Variants in CROT observed in about 807,000 individuals in gnomAD.
The protein encoded by CROT is peroxisomal carnitine O-octanoyltransferase.
A neutral mutation model predicts 89.2 loss-of-function variants in CROT; 84 were observed. The ratio of observed to expected loss-of-function variants is 0.94; its 90% CI spans 0.79 to 1.13. The LOEUF (loss-of-function observed/expected upper bound fraction) is 1.13. Among genes scored for constraint, CROT ranks in the 50% most tolerant of loss-of-function variants. The pLI is 0.00. For missense variants in CROT, 711 were observed against 727.8 expected, an observed-to-expected ratio of 0.98 and a Z score of 0.27; for synonymous variants, 212 against 239.5, an observed-to-expected ratio of 0.89 and a Z score of 1.06.
chr7:87,377,274 A>G lies in CROT; in HGVS notation c.877-75A>G, dbSNP rs1010235616. The G allele has an allele frequency of 3.5e-5, 29 of 837,296 alleles. 1 individual carries two copies. The South Asian group carries it at 3.8e-4, about 11-fold the overall frequency. The allele number at this position is 837,296 out of a possible 1,614,324, so 51.9% of individuals were successfully genotyped here. On this transcript the variant is annotated intron_variant, in intron 9 of 17. Coordinates refer to ENST00000331536, the MANE Select transcript of CROT (RefSeq NM_021151.4). Reference sequence around the variant, plus strand: ...ACGTGAAGAGGAATGGTGAGATGATATATGTGTTTAAGATGTAAATTCTTA... The same window carrying G: ...ACGTGAAGAGGAATGGTGAGATGATGTATGTGTTTAAGATGTAAATTCTTA...
intron 2 of CROT, 44 bp from the exon 3 acceptor site, chr7:87,349,004 A>G (rs940565611): frequency 2.0e-5 from 16 of 810,048 alleles, no homozygotes; most frequent in South Asian, 1.8e-4. Flanking sequence ...ACGTAACACT[A>G]TCTATGAGAT....
intron 17 of CROT, among the ~76,000 whole-genome samples, chr7:87,393,604 GA>G (rs1331379584): frequency 1.3e-5 from 2 of 152,132 alleles, no homozygotes; most frequent in African/African-American, 4.8e-5. Flanking sequence ...AAGATAAAAT[GA>G]AAGTGATAGC....
rs869117832 is a variant in CROT, at chr7:87,392,810, C to CT, written c.1591dup (p.Ser531PhefsTer42). The CT allele has an allele frequency of 3.1e-6, 5 of 1,613,352 alleles. No homozygotes were observed. The highest frequency in any genetic ancestry group is 1.6e-4 in the Middle Eastern group (1 of 6,084). ...TGTTCCAGAACTCTTTACGGACCCA[C>CT]TTTTTTCCAAAAGGTAATATAGTGT... On this transcript the variant is annotated frameshift_variant, in exon 16 of 18. Coordinates refer to ENST00000331536, the MANE Select transcript of CROT (RefSeq NM_021151.4). LOFTEE classifies it high-confidence loss of function.
rs1417237253 is a variant in CROT, at chr7:87,361,725, T to G, written c.423-3T>G. ...TTTTTGATCAAAATCCTTTTTTTAA[T>G]AGAGAAAAAGTGCCTGTTCATAAAG... On this transcript the variant is annotated splice_polypyrimidine_tract_variant and splice_region_variant and intron_variant, in intron 5 of 17. Coordinates refer to ENST00000331536, the MANE Select transcript of CROT (RefSeq NM_021151.4). 4.5e-6 allele frequency: 7 copies of G among 1,570,232 alleles called. No homozygotes were observed. The highest frequency in any genetic ancestry group is 6.0e-6 in the Non-Finnish European group (7 of 1,164,018).
intron 7 of CROT, among the ~76,000 whole-genome samples, chr7:87,371,658 T>G (rs868013729): frequency 3.2e-4 from 49 of 152,262 alleles, no homozygotes; most frequent in African/African-American, 1.1e-3. Context: ...CACCCACTTC[T>G]CCTAATCATT....
chr7:87,350,043 C>A (rs1431277521), intron 3 of CROT, among the ~76,000 whole-genome samples: 2 of 152,086 alleles, frequency 1.3e-5, no homozygotes, highest in Non-Finnish European at 2.9e-5. Flanking sequence ...TATCTTGCAA[C>A]CCTATACAAT....
chr7:87,374,727 G>A (rs898576480), intron 7 of CROT, among the ~76,000 whole-genome samples: 2 of 152,008 alleles, frequency 1.3e-5, no homozygotes, highest in African/African-American at 4.8e-5. Context: ...TTCTTTATCA[G>A]TGTTACAGAT....
intron 2 of CROT, among the ~76,000 whole-genome samples, chr7:87,347,461 A>G (rs752752961): frequency 6.6e-6 from 1 of 152,266 alleles, no homozygotes; most frequent in Non-Finnish European, 1.5e-5. Context: ...GCACATGGCT[A>G]GAAAGTGGCA....
intron 10 of CROT, among the ~76,000 whole-genome samples, chr7:87,379,576 T>C (rs1806925453): frequency 6.6e-6 from 1 of 152,226 alleles, no homozygotes; most frequent in South Asian, 2.1e-4. Context: ...ATTTTGATAA[T>C]CTTGTCTGTC....
At chr7:87,387,110 C>T (rs1004875076) in intron 13 of CROT, among the ~76,000 whole-genome samples, 3 of 151,672 alleles carry the variant, frequency 2.0e-5, no homozygotes, top group African/African-American at 7.3e-5. Context: ...TTCTCTCTGG[C>T]CCCTGGGATC....
At chr7:87,375,182 C>A in intron 7 of CROT, 1 of 153,072 alleles carries the variant, frequency 6.5e-6, no homozygotes, top group Non-Finnish European at 1.5e-5. Context: ...TGGTAAAACA[C>A]AAATATTAAT....
chr7:87,364,471 C>T (rs1388627891), intron 6 of CROT, among the ~76,000 whole-genome samples: 1 of 152,090 alleles, frequency 6.6e-6, no homozygotes, highest in Non-Finnish European at 1.5e-5. Context: ...ATGATGTGGA[C>T]AGAGGTTGCC....
chr7:87,362,304 CTTTTTTT>C (rs1237429320), intron 6 of CROT, among the ~76,000 whole-genome samples: 1 of 132,358 alleles, frequency 7.6e-6, no homozygotes, highest in Non-Finnish European at 1.6e-5. Context: ...GTCACTCTTC[CTTTTTTT>C]TTTTTTTTTT....
rs545287241 is a variant in CROT, at chr7:87,361,338, C to A, written c.241-52C>A. 4 of 1,467,238 alleles carry A rather than the reference C, an allele frequency of 2.7e-6. No individual in the cohort carries two copies. In the South Asian group the frequency reaches 3.7e-5, roughly 14 times the overall value. The allele number at this position is 1,467,238 out of a possible 1,614,324, so 90.9% of individuals were successfully genotyped here. ...TGCTTTTTAAAATTCCCAGTAGTTA[C>A]ACATTCATGTATTATGAAGAACATT... On this transcript the variant is annotated intron_variant, in intron 4 of 17. Coordinates refer to ENST00000331536, the MANE Select transcript of CROT (RefSeq NM_021151.4).
chr7:87,393,608 G>A (rs146180487), intron 17 of CROT, among the ~76,000 whole-genome samples: 205 of 152,224 alleles, frequency 1.3e-3, no homozygotes, highest in African/African-American at 4.9e-3. Flanking sequence ...TAAAATGAAA[G>A]TGATAGCAAG....
At chr7:87,378,019 A>T (rs1247731706) in intron 10 of CROT, among the ~76,000 whole-genome samples, 1 of 152,096 alleles carries the variant, frequency 6.6e-6, no homozygotes, top group Admixed American at 6.6e-5. Context: ...ATAGGCATTC[A>T]GGAGGTCTAT....
chr7:87,365,637 T>C (rs1222424612), intron 6 of CROT, among the ~76,000 whole-genome samples: 1 of 150,834 alleles, frequency 6.6e-6, no homozygotes, highest in Non-Finnish European at 1.5e-5. Flanking sequence ...TTTTTTTTTT[T>C]TGGTCTGTCA....
At chr7:87,388,131 C>T (rs1489144525) in intron 13 of CROT, among the ~76,000 whole-genome samples, 1 of 152,108 alleles carries the variant, frequency 6.6e-6, no homozygotes, top group East Asian at 1.9e-4. Context: ...CTCCAAGGTA[C>T]CTCACTTCAA....
In CROT at chr7:87,382,343, T is replaced by G. The variant is rs187297524; in HGVS notation, c.1171-70T>G. ...CTGGTGATTACTTTAATGCAGGTGA[T>G]AATTTGCTTCTCTTTGGTGTATTCT... On this transcript the variant is annotated intron_variant, in intron 12 of 17. Coordinates refer to ENST00000331536, the MANE Select transcript of CROT (RefSeq NM_021151.4). 3.3e-6 allele frequency: 5 copies of G among 1,518,650 alleles called. No individual in the cohort carries two copies. In the Admixed American group the frequency reaches 9.5e-5, roughly 29 times the overall value. The allele number at this position is 1,518,650 out of a possible 1,614,324, so 94.1% of individuals were successfully genotyped here.
Sources: allele counts gnomAD v4.1 joint callset (sites outside exome capture counted in the v4.1 genomes callset), GRCh38; gene constraint gnomAD v4.1.1; transcripts MANE v1.5; gene names NCBI Gene and HGNC (gene_info 2026-07-23, HGNC 2026-07-21).